CFAP221: variants seen among roughly 807,000 people sequenced by gnomAD.
The protein encoded by CFAP221 is cilia and flagella associated protein 221, also known as cilia- and flagella-associated protein 221.
CFAP221 carries 97 observed loss-of-function variants against 113.1 expected under a neutral mutation model. The observed-to-expected ratio is 0.86, with a 90% CI of 0.73 to 1.02. The LOEUF is 1.02. Ranked by LOEUF, CFAP221 falls within the 50% of genes least tolerant of loss-of-function variation. The pLI, the probability that CFAP221 is intolerant of heterozygous loss-of-function variation, is 0.00. For missense variants in CFAP221, 1,025 were observed against 1,013.4 expected, an observed-to-expected ratio of 1.01 and a Z score of -0.16; for synonymous variants, 331 against 354.4, an observed-to-expected ratio of 0.93 and a Z score of 0.74.
chr2:119,639,604 T>C (rs984099632), intron 20 of CFAP221, among the ~76,000 whole-genome samples, 177 bp from the exon 21 acceptor site: 7 of 152,240 alleles, frequency 4.6e-5, no homozygotes, highest in Non-Finnish European at 1.0e-4. Context: ...TGTTGCACTG[T>C]TTAATGTGCT....
At chr2:119,646,906 C>T (rs1429873625) in intron 21 of CFAP221, 52 bp from the exon 22 acceptor site, 27 of 1,493,056 alleles carry the variant, frequency 1.8e-5, no homozygotes, top group Non-Finnish European at 2.5e-5. Context: ...GTAAAGACCC[C>T]AAGACTTCTA....
intron 12 of CFAP221, among the ~76,000 whole-genome samples, chr2:119,609,463 A>G (rs1172690610): frequency 6.6e-6 from 1 of 152,200 alleles, no homozygotes; most frequent in Non-Finnish European, 1.5e-5. Context: ...TCTGAGAGCC[A>G]TGAGTGAAGG....
intron 19 of CFAP221, among the ~76,000 whole-genome samples, chr2:119,631,347 C>G (rs2104766043): frequency 6.6e-6 from 1 of 152,094 alleles, no homozygotes; most frequent in South Asian, 2.1e-4. Flanking sequence ...CCAAACTAAG[C>G]AGAAAAAAGA....
chr2:119,601,453 GTCTT>G, intron 8 of CFAP221, 76 bp downstream of exon 8: 1 of 1,283,168 alleles, frequency 7.8e-7, no homozygotes, highest in Non-Finnish European at 1.0e-6. Flanking sequence ...CTTCCATTCT[GTCTT>G]TCTTGTAAAA....
chr2:119,560,082 T>G, intron 5 of CFAP221, 56 bp downstream of exon 5: 1 of 1,273,924 alleles, frequency 7.8e-7, no homozygotes, highest in Non-Finnish European at 1.1e-6. Flanking sequence ...GGGTTAAAAC[T>G]TACATTCTCA....
chr2:119,583,395 C>CTTTTTTTTTTTTTTTT (rs375405686), intron 6 of CFAP221, among the ~76,000 whole-genome samples: 1 of 123,320 alleles, frequency 8.1e-6, no homozygotes, highest in Non-Finnish European at 1.6e-5. Context: ...GAAATAGTCT[C>CTTTTTTTTTTTTTTTT]TTTTTTTTTT....
At chr2:119,649,624 C>T (rs1574237106) in intron 22 of CFAP221, among the ~76,000 whole-genome samples, 1 of 152,312 alleles carries the variant, frequency 6.6e-6, no homozygotes, top group Non-Finnish European at 1.5e-5. Flanking sequence ...TTGATGCAGT[C>T]TCGTCTGCAT....
chr2:119,656,437 C>T lies in CFAP221; in HGVS notation c.2490C>T (p.Gly830=). Residue 830 remains glycine, a synonymous_variant, in exon 24 of 24, where the codon GGC becomes GGT. Coordinates refer to ENST00000413369, the MANE Select transcript of CFAP221 (RefSeq NM_001271049.2). ...KLLEEMRNLR[G]KALNTYLILE ...TCGAGGAGATGAGGAACCTGCGGGG[C>T]AAAGCACTCAACACATACCTGATTC... 1 of 1,613,924 alleles carries T rather than the reference C, an allele frequency of 6.2e-7. No individual in the cohort carries two copies. The highest frequency in any genetic ancestry group is 8.5e-7 in the Non-Finnish European group (1 of 1,179,906).
Position 119,544,507 on chromosome 2 carries a change from C to G in CFAP221, c.-51C>G, listed in dbSNP as rs1038162243. ...CCGAATCCGGCCCGGGAACCACCTC[C>G]AGGGTGAGCGGCCAGGGACCTGGGG... On this transcript the variant is annotated 5_prime_UTR_variant, in exon 1 of 24. Coordinates refer to ENST00000413369, the MANE Select transcript of CFAP221 (RefSeq NM_001271049.2). 1 of 152,002 alleles carries G rather than the reference C, an allele frequency of 6.6e-6. No individual in the cohort carries two copies. The highest frequency in any genetic ancestry group is 2.4e-5 in the African/African-American group (1 of 41,414). The allele number at this position is 152,002 out of a possible 1,614,324, so 9.4% of individuals were successfully genotyped here. A position where few individuals can be genotyped will look rare whatever the true frequency, so the allele number is the denominator to read the frequency against.
chr2:119,576,988 C>T (rs924533747), intron 6 of CFAP221, among the ~76,000 whole-genome samples: 2 of 152,208 alleles, frequency 1.3e-5, no homozygotes, highest in Non-Finnish European at 2.9e-5. Context: ...GTATGCCGGT[C>T]CTTGAGAGGA....
chr2:119,553,630 C>T (rs995853910), intron 3 of CFAP221, among the ~76,000 whole-genome samples: 1 of 152,188 alleles, frequency 6.6e-6, no homozygotes, highest in African/African-American at 2.4e-5. Context: ...TTGTAGCCAT[C>T]ACAATGTCTA....
chr2:119,618,658 G>C (rs1392776646), intron 14 of CFAP221, among the ~76,000 whole-genome samples: 1 of 152,140 alleles, frequency 6.6e-6, no homozygotes. Context: ...AAAACTGGGT[G>C]GCCATTTGGG....
intron 7 of CFAP221, among the ~76,000 whole-genome samples, chr2:119,596,214 T>A (rs1018845026): frequency 1.3e-5 from 2 of 151,982 alleles, no homozygotes; most frequent in African/African-American, 4.8e-5. Flanking sequence ...GGAGCTGAGG[T>A]TGGCTCGGAT....
At chr2:119,609,580 AC>A (rs1281360776) in intron 12 of CFAP221, among the ~76,000 whole-genome samples, 2 of 151,958 alleles carry the variant, frequency 1.3e-5, no homozygotes, top group Non-Finnish European at 2.9e-5. Context: ...ATATAAGGGC[AC>A]CAGTCATATT....
chr2:119,562,140 T>TATA, intron 6 of CFAP221, 26 bp downstream of exon 6: 6 of 1,448,288 alleles, frequency 4.1e-6, no homozygotes, highest in Non-Finnish European at 5.6e-6. Context: ...GTCAACAAAA[T>TATA]GTATAGGATG....
chr2:119,563,353 G>A (rs2587691), intron 6 of CFAP221, among the ~76,000 whole-genome samples: 7 of 152,144 alleles, frequency 4.6e-5, no homozygotes, highest in African/African-American at 1.7e-4. Flanking sequence ...GCCATCCATT[G>A]CTTTTTCATA....
intron 12 of CFAP221, among the ~76,000 whole-genome samples, chr2:119,609,075 G>A (rs1684972060): frequency 6.6e-6 from 1 of 152,216 alleles, no homozygotes; most frequent in East Asian, 1.9e-4. Context: ...TGGGCTGAGG[G>A]GAGTGGGACC....
intron 14 of CFAP221, among the ~76,000 whole-genome samples, chr2:119,621,386 C>T (rs902639044): frequency 9.9e-5 from 15 of 152,150 alleles, no homozygotes; most frequent in Non-Finnish European, 2.2e-4. Context: ...CACACAGATT[C>T]ATAAAGCAAG....
At chr2:119,594,194 ACT>A (rs1235637839) in intron 7 of CFAP221, among the ~76,000 whole-genome samples, 1 of 150,206 alleles carries the variant, frequency 6.7e-6, no homozygotes, top group Non-Finnish European at 1.5e-5. Context: ...TTTCTTTAAG[ACT>A]CTGATGAACT....
Sources: gnomAD v4.1 joint callset for allele counts (sites outside exome capture counted in the v4.1 genomes callset) on GRCh38, gnomAD v4.1.1 for gene constraint, MANE v1.5 for transcripts, NCBI Gene and HGNC (gene_info 2026-07-23, HGNC 2026-07-21) for gene names.